MGMT: variants seen among roughly 807,000 people sequenced by gnomAD.
MGMT encodes the protein methylated-DNA--protein-cysteine methyltransferase.
Under a neutral mutation model 15.9 loss-of-function variants are expected in MGMT, and 14 were observed. The ratio of observed to expected loss-of-function variants is 0.88; its 90% CI spans 0.58 to 1.37. The LOEUF (loss-of-function observed/expected upper bound fraction) is 1.37, where lower values mean the gene tolerates loss of function less well. MGMT is among the 40% of genes most tolerant of loss of function. The pLI, the probability that MGMT is intolerant of heterozygous loss-of-function variation, is 0.00. For missense variants in MGMT, 282 were observed against 268.1 expected, an observed-to-expected ratio of 1.05 and a Z score of -0.36; for synonymous variants, 130 against 118.2, an observed-to-expected ratio of 1.10 and a Z score of -0.65.
chr10:129,582,705 C>G (rs955400063), intron 2 of MGMT, among the ~76,000 whole-genome samples: 1 of 152,012 alleles, frequency 6.6e-6, no homozygotes, highest in African/African-American at 2.4e-5. Context: ...AAATCCCCGG[C>G]AGTTTCCCCC....
intron 2 of MGMT, among the ~76,000 whole-genome samples, chr10:129,537,922 G>A (rs916312857): frequency 2.6e-5 from 4 of 152,168 alleles, no homozygotes; most frequent in African/African-American, 7.2e-5. Flanking sequence ...CTGCCCTGGT[G>A]CTTCAAGACA....
intron 2 of MGMT, among the ~76,000 whole-genome samples, chr10:129,687,825 C>A (rs976538643): frequency 6.6e-6 from 1 of 151,714 alleles, no homozygotes; most frequent in Non-Finnish European, 1.5e-5. Flanking sequence ...TTAGGTATAT[C>A]TCCTAATGCT....
chr10:129,575,761 A>G (rs1248209341), intron 2 of MGMT, among the ~76,000 whole-genome samples: 2 of 152,106 alleles, frequency 1.3e-5, no homozygotes, highest in Non-Finnish European at 2.9e-5. Flanking sequence ...TTTTTTGAAA[A>G]GATCAACAAA....
Position 129,766,843 on chromosome 10 carries a change from A to G in MGMT, c.470A>G (p.Asn157Ser). The change falls in exon 5 of 5, where the codon AAC becomes AGC. Residue 157 changes from asparagine (N) to serine (S), a missense_variant. Asn to Ser is a conservative substitution (Grantham distance 46, BLOSUM62 1). Transcript: ENST00000651593. ...GTCTGCAGCAGCGGAGCCGTGGGCA[A>G]CTACTCCGGAGGACTGGCCGTGAAG... ...RVVCSSGAVG[N>S]YSGGLAVKEW... is the part of the protein sequence containing the mutation. 6.2e-7 allele frequency: 1 copy of G among 1,613,734 alleles called. No homozygotes were observed. Among genetic ancestry groups the G allele is most frequent in the Non-Finnish European group, 8.5e-7 (1 of 1,180,040 alleles).
chr10:129,641,492 A>G (rs896862810), intron 2 of MGMT, among the ~76,000 whole-genome samples: 6 of 152,300 alleles, frequency 3.9e-5, no homozygotes, highest in Admixed American at 6.5e-5. Context: ...ATTTTTGACA[A>G]CCCATCACTA....
chr10:129,593,914 G>A (rs1846719892), intron 2 of MGMT, among the ~76,000 whole-genome samples: 1 of 152,228 alleles, frequency 6.6e-6, no homozygotes, highest in Non-Finnish European at 1.5e-5. Flanking sequence ...AGTTCCTTAT[G>A]CAGAGGTCTC....
chr10:129,638,448 A>AAAAAG (rs1847289890), intron 2 of MGMT, among the ~76,000 whole-genome samples: 4 of 148,590 alleles, frequency 2.7e-5, no homozygotes, highest in African/African-American at 9.9e-5. Context: ...AAAAAAAAGA[A>AAAAAG]AAAAAAAAGA....
At chr10:129,502,386 C>A (rs529663378) in intron 1 of MGMT, among the ~76,000 whole-genome samples, 1 of 152,168 alleles carries the variant, frequency 6.6e-6, no homozygotes, top group South Asian at 2.1e-4. Flanking sequence ...TTAGTTAATA[C>A]GTTGCGTTCC....
At chr10:129,761,590 G>C (rs987548308) in intron 4 of MGMT, among the ~76,000 whole-genome samples, 2 of 152,232 alleles carry the variant, frequency 1.3e-5, no homozygotes, top group Non-Finnish European at 2.9e-5. Flanking sequence ...GAGTGTCTCT[G>C]TTCCAGTATG....
At chr10:129,567,191 C>T (rs116498302) in intron 2 of MGMT, among the ~76,000 whole-genome samples, 2,330 of 152,282 alleles carry the variant, frequency 0.015, 56 homozygotes, top group African/African-American at 0.052. Flanking sequence ...GGGTGGTCAT[C>T]GGCCAGACCC....
intron 2 of MGMT, among the ~76,000 whole-genome samples, chr10:129,695,855 C>T (rs931694174): frequency 2.0e-5 from 3 of 152,154 alleles, no homozygotes; most frequent in African/African-American, 7.2e-5. Context: ...TTATCAGGTG[C>T]TCTGCTTCTG....
chr10:129,622,097 G>A (rs1291309511), intron 2 of MGMT, among the ~76,000 whole-genome samples: 1 of 152,166 alleles, frequency 6.6e-6, no homozygotes, highest in African/African-American at 2.4e-5. Flanking sequence ...CCTCTGGAGT[G>A]GATAACTGTT....
chr10:129,507,177 CTGTGAGCCGTCAGGCAGGTGACGT>C (rs1564837115), intron 1 of MGMT, among the ~76,000 whole-genome samples: 1 of 152,212 alleles, frequency 6.6e-6, no homozygotes, highest in East Asian at 1.9e-4. Context: ...TGAAAGGTCT[CTGTGAGCCGTCAGGCAGGTGACGT>C]TGGAGCCAGC....
intron 1 of MGMT, among the ~76,000 whole-genome samples, chr10:129,494,552 G>A (rs972007950): frequency 6.6e-6 from 1 of 152,220 alleles, no homozygotes; most frequent in Non-Finnish European, 1.5e-5. Flanking sequence ...TTTTTGCAAT[G>A]ATGGAAATGT....
chr10:129,585,859 A>G (rs1391984892), intron 2 of MGMT, among the ~76,000 whole-genome samples: 3 of 152,166 alleles, frequency 2.0e-5, no homozygotes, highest in African/African-American at 7.2e-5. Flanking sequence ...GCAGCAGTCT[A>G]TGGAACCATT....
At chr10:129,539,456 A>T (rs1846021161) in intron 2 of MGMT, among the ~76,000 whole-genome samples, 2 of 152,122 alleles carry the variant, frequency 1.3e-5, no homozygotes, top group Non-Finnish European at 2.9e-5. Flanking sequence ...TGCCTGTTCT[A>T]TGCCCGTTCC....
intron 2 of MGMT, among the ~76,000 whole-genome samples, chr10:129,600,187 C>T (rs1433433589): frequency 1.3e-5 from 2 of 152,236 alleles, no homozygotes; most frequent in Admixed American, 6.5e-5. Context: ...TCTGAGCGAC[C>T]CATCTCTGCG....
chr10:129,536,505 G>A (rs1055240009), intron 2 of MGMT, 128 bp downstream of exon 2: 14 of 1,186,776 alleles, frequency 1.2e-5, no homozygotes, highest in South Asian at 6.9e-5. Flanking sequence ...CCGCAACCAC[G>A]AGTCCGTCTC....
At chr10:129,539,592 T>C (rs1023351928) in intron 2 of MGMT, among the ~76,000 whole-genome samples, 3 of 151,978 alleles carry the variant, frequency 2.0e-5, no homozygotes, top group African/African-American at 7.2e-5. Flanking sequence ...CTGCAAGCTG[T>C]GCCTCCTGGG....
Sources: allele counts gnomAD v4.1 joint callset (sites outside exome capture counted in the v4.1 genomes callset), GRCh38; gene constraint gnomAD v4.1.1; transcripts MANE v1.5; gene names NCBI Gene and HGNC (gene_info 2026-07-23, HGNC 2026-07-21).